The following COX7B2 variants were observed in gnomAD, a reference collection of about 807,000 sequenced individuals.
COX7B2 encodes the protein cytochrome c oxidase subunit 7B2.
For synonymous variants in COX7B2, 37 were observed against 32.1 expected (o/e 1.15, Z -0.51); for missense variants, 109 against 95.9 (o/e 1.14, Z -0.57).
chr4:46,902,316 A>G (rs1720114163), intron 1 of COX7B2, among the ~76,000 whole-genome samples: 1 of 152,250 alleles, frequency 6.6e-6, no homozygotes, highest in Admixed American at 6.5e-5. Context: ...GGTTAGGTCA[A>G]GAGATCAAAC....
intron 1 of COX7B2, among the ~76,000 whole-genome samples, chr4:46,907,803 C>T (rs141337215): frequency 7.0e-6 from 1 of 143,174 alleles, no homozygotes; most frequent in African/African-American, 2.6e-5. Context: ...TCTCTTGTCT[C>T]TGAAGAGGAG....
At chr4:46,847,778 A>G (rs1421373637) in intron 1 of COX7B2, among the ~76,000 whole-genome samples, 1 of 152,048 alleles carries the variant, frequency 6.6e-6, no homozygotes, top group African/African-American at 2.4e-5. Flanking sequence ...GTTTCTTGCC[A>G]GCTTTCTCAG....
chr4:46,758,790 C>T (rs768598133), intron 2 of COX7B2, among the ~76,000 whole-genome samples: 148 of 152,160 alleles, frequency 9.7e-4, no homozygotes, highest in Middle Eastern at 6.8e-3. Flanking sequence ...TTTTCATGGA[C>T]TCACAATACA....
intron 2 of COX7B2, among the ~76,000 whole-genome samples, chr4:46,747,007 G>C (rs1329370360): frequency 6.6e-6 from 1 of 152,052 alleles, no homozygotes; most frequent in African/African-American, 2.4e-5. Flanking sequence ...ATATGATCAG[G>C]CTGCTATGTC....
At chr4:46,870,987 AC>A (rs1717956638) in intron 1 of COX7B2, among the ~76,000 whole-genome samples, 1 of 152,026 alleles carries the variant, frequency 6.6e-6, no homozygotes, top group Admixed American at 6.6e-5. Flanking sequence ...AAAAAAAAAA[AC>A]TATTTTAAAA....
At chr4:46,746,484 G>A (rs1328413871) in intron 2 of COX7B2, among the ~76,000 whole-genome samples, 1 of 152,174 alleles carries the variant, frequency 6.6e-6, no homozygotes, top group Non-Finnish European at 1.5e-5. Flanking sequence ...ACCAGAGGTA[G>A]GCAGAATGGA....
In COX7B2 at chr4:46,745,246, A is replaced by G. The variant is rs540455236; in HGVS notation, c.-49-10005T>C. On this transcript the variant is annotated intron_variant, in intron 2 of 2. Transcript: ENST00000355591. Reference sequence around the variant, plus strand: ...AGATTATTTATTTCCAACTTGGACTATCTCTGTGCTCCTAAATTCTGCTCA... The same window carrying G: ...AGATTATTTATTTCCAACTTGGACTGTCTCTGTGCTCCTAAATTCTGCTCA... 3.3e-5 allele frequency among the ~76,000 whole-genome samples: 5 copies of G among 152,290 alleles called. No homozygotes were observed. In the South Asian group the frequency reaches 1.0e-3, roughly 32 times the overall value.
intron 2 of COX7B2, among the ~76,000 whole-genome samples, chr4:46,820,179 C>T (rs1431753405): frequency 5.9e-5 from 9 of 152,116 alleles, no homozygotes; most frequent in Non-Finnish European, 1.0e-4. Context: ...AGTGGAAGCC[C>T]TGAGCTTCTT....
intron 2 of COX7B2, among the ~76,000 whole-genome samples, chr4:46,831,840 G>T (rs192730815): frequency 5.9e-5 from 9 of 152,136 alleles, no homozygotes; most frequent in Non-Finnish European, 2.9e-5. Flanking sequence ...ATCTGGTGAG[G>T]ACTTGGAGAA....
intron 2 of COX7B2, among the ~76,000 whole-genome samples, chr4:46,815,248 T>A (rs1719491623): frequency 1.3e-5 from 2 of 151,860 alleles, no homozygotes; most frequent in Non-Finnish European, 2.9e-5. Context: ...GTAATAATCA[T>A]CTCCAACTGG....
chr4:46,735,776 A>G (rs957805566), intron 2 of COX7B2, among the ~76,000 whole-genome samples: 11 of 152,146 alleles, frequency 7.2e-5, no homozygotes, highest in Non-Finnish European at 1.6e-4. Context: ...TAAGTTGAAT[A>G]CACCCCTTTG....
chr4:46,858,626 T>C (rs1717152679), intron 1 of COX7B2, among the ~76,000 whole-genome samples: 1 of 152,122 alleles, frequency 6.6e-6, no homozygotes. Context: ...AAGGAGCACT[T>C]AATAATTTGG....
At chr4:46,738,315 C>T (rs1490154354) in intron 2 of COX7B2, among the ~76,000 whole-genome samples, 3 of 152,164 alleles carry the variant, frequency 2.0e-5, no homozygotes, top group African/African-American at 7.2e-5. Flanking sequence ...AAGCTTAGTT[C>T]ATCCTTTGGC....
At chr4:46,883,104 A>G (rs1245788219) in intron 1 of COX7B2, among the ~76,000 whole-genome samples, 1 of 152,212 alleles carries the variant, frequency 6.6e-6, no homozygotes, top group Non-Finnish European at 1.5e-5. Context: ...ATCAAAACCA[A>G]TTTAATATGT....
At chr4:46,876,857 TG>T (rs1486588293) in intron 1 of COX7B2, 2 of 152,230 alleles carry the variant, frequency 1.3e-5, no homozygotes, top group African/African-American at 4.8e-5. Context: ...TGTGAGACTT[TG>T]TCAAGTATGA....
intron 2 of COX7B2, among the ~76,000 whole-genome samples, chr4:46,828,976 T>C (rs934498147): frequency 1.3e-4 from 20 of 152,198 alleles, no homozygotes; most frequent in African/African-American, 4.1e-4. Context: ...AATACTTTTG[T>C]AATGCTCAGC....
chr4:46,791,205 T>A (rs1165440362), intron 2 of COX7B2, among the ~76,000 whole-genome samples: 1 of 151,488 alleles, frequency 6.6e-6, no homozygotes, highest in African/African-American at 2.4e-5. Context: ...GAGAGGGAGT[T>A]TTACCGTGTT....
intron 1 of COX7B2, among the ~76,000 whole-genome samples, chr4:46,899,132 C>G (rs1472058206): frequency 6.6e-6 from 1 of 152,128 alleles, no homozygotes; most frequent in Non-Finnish European, 1.5e-5. Context: ...TATCCTTCTC[C>G]TCTACTAAAA....
At chr4:46,886,805 A>G (rs1427172492) in intron 1 of COX7B2, among the ~76,000 whole-genome samples, 1 of 152,190 alleles carries the variant, frequency 6.6e-6, no homozygotes, top group Non-Finnish European at 1.5e-5. Context: ...AGCCTTTCAG[A>G]TAATAAATTG....
Sources: gnomAD v4.1 joint callset for allele counts (sites outside exome capture counted in the v4.1 genomes callset) on GRCh38, gnomAD v4.1.1 for gene constraint, MANE v1.5 for transcripts, NCBI Gene and HGNC (gene_info 2026-07-23, HGNC 2026-07-21) for gene names.